Variants in IL18R1 observed in about 807,000 individuals in gnomAD.
IL18R1 encodes interleukin 18 receptor 1, also known as interleukin-18 receptor 1.
A neutral mutation model predicts 48.5 loss-of-function variants in IL18R1; 40 were observed. That is an observed-to-expected ratio of 0.82 (90% CI 0.64 to 1.07). The LOEUF is 1.07. Ranked by LOEUF, IL18R1 falls within the 50% of genes least tolerant of loss-of-function variation. IL18R1 has a pLI of 0.00. For missense variants in IL18R1, 596 were observed against 633.7 expected (o/e 0.94, Z 0.64); for synonymous variants, 232 against 225.9 (o/e 1.03, Z -0.24).
At chr2:102,357,740 G>T (rs964184031) in intron 1 of IL18R1, among the ~76,000 whole-genome samples, 1 of 152,112 alleles carries the variant, frequency 6.6e-6, no homozygotes, top group African/African-American at 2.4e-5. Context: ...AGGTAGCACA[G>T]GCATAGGCAG....
chr2:102,360,160 T>C (rs1292816600), intron 1 of IL18R1, among the ~76,000 whole-genome samples: 1 of 152,240 alleles, frequency 6.6e-6, no homozygotes, highest in African/African-American at 2.4e-5. Context: ...CCACATGAAG[T>C]AATATTAGGT....
chr2:102,373,106 G>GT (rs1378832705), intron 4 of IL18R1, among the ~76,000 whole-genome samples: 1 of 152,040 alleles, frequency 6.6e-6, no homozygotes. Flanking sequence ...ACTCCTAGTG[G>GT]TTTTTTCACT....
intron 1 of IL18R1, among the ~76,000 whole-genome samples, chr2:102,357,427 G>A (rs1163103910): frequency 6.6e-6 from 1 of 151,456 alleles, no homozygotes; most frequent in Non-Finnish European, 1.5e-5. Flanking sequence ...GGAGGCAGAG[G>A]TTGCAGTGAG....
intron 4 of IL18R1, among the ~76,000 whole-genome samples, chr2:102,372,653 T>G (rs1170252959): frequency 6.6e-6 from 1 of 152,176 alleles, no homozygotes; most frequent in Non-Finnish European, 1.5e-5. Context: ...TTTATTTTTT[T>G]ATGTTTTTTC....
intron 3 of IL18R1, among the ~76,000 whole-genome samples, chr2:102,368,322 G>C (rs527564831): frequency 6.6e-6 from 1 of 152,334 alleles, no homozygotes; most frequent in South Asian, 2.1e-4. Context: ...CCAATGACAA[G>C]TGACGATTGC....
rs11465655 is a variant in IL18R1, at chr2:102,396,467, A to G, written c.1271-64A>G. ...ATATAAAATAAGACTGTGCAAAATG[A>G]CTTTTATCTCATGTTCCCCCTTTCA... On this transcript the variant is annotated intron_variant, in intron 10 of 10. Coordinates refer to ENST00000233957, the MANE Select transcript of IL18R1 (RefSeq NM_003855.5). 8.6e-3 allele frequency: 8,049 copies of G among 933,392 alleles called. 424 individuals carry two copies. The African/African-American group carries it at 0.12, about 14-fold the overall frequency. The allele number at this position is 933,392 out of a possible 1,614,324, so 57.8% of individuals were successfully genotyped here. A position where few individuals can be genotyped will look rare whatever the true frequency, so the allele number is the denominator to read the frequency against.
At chr2:102,362,490 A>G (rs1223681395) in intron 1 of IL18R1, 143 bp from the exon 2 acceptor site, 1 of 421,368 alleles carries the variant, frequency 2.4e-6, no homozygotes, top group Non-Finnish European at 4.2e-6. Flanking sequence ...AGTTCTGAGA[A>G]TTGGTTACTA....
chr2:102,382,693 GCTTC>G (rs1295682921), intron 6 of IL18R1, among the ~76,000 whole-genome samples: 1 of 152,166 alleles, frequency 6.6e-6, no homozygotes, highest in Non-Finnish European at 1.5e-5. Flanking sequence ...TGGGGACTTT[GCTTC>G]CAAAGTCCCC....
At chr2:102,364,944 C>T (rs1287173109) in intron 2 of IL18R1, among the ~76,000 whole-genome samples, 1 of 152,120 alleles carries the variant, frequency 6.6e-6, no homozygotes, top group Non-Finnish European at 1.5e-5. Flanking sequence ...TAATCACCCC[C>T]ATGATTAAAT....
Position 102,396,917 on chromosome 2 carries a change from T to C in IL18R1, c.*31T>C. On this transcript the variant is annotated 3_prime_UTR_variant, in exon 11 of 11. Transcript: ENST00000233957. ...AGAAACAGTGAACGCCAAAAAGAAC[T>C]CAAGATATTCTGGGGACTGAGCATA... 7.4e-7 allele frequency: 1 copy of C among 1,358,678 alleles called. No individual in the cohort carries two copies. The highest frequency in any genetic ancestry group is 1.0e-6 in the Non-Finnish European group (1 of 982,876). 84.2% of individuals were successfully genotyped at this position (1,358,678 alleles called of 1,614,324 possible).
At chr2:102,388,498 T>C (rs3771159) in intron 8 of IL18R1, among the ~76,000 whole-genome samples, 81,306 of 151,990 alleles carry the variant, frequency 0.53, 23,602 homozygotes, top group African/African-American at 0.73. Context: ...TGTGAGGGAG[T>C]GGGGCTCAAA....
In IL18R1 at chr2:102,362,641, T is replaced by G. The variant is rs1466245050; in HGVS notation, c.-20T>G. The G allele has an allele frequency of 6.3e-7, 1 of 1,597,198 alleles. No homozygotes were observed. On this transcript the variant is annotated 5_prime_UTR_variant, in exon 2 of 11. Transcript: ENST00000233957. The stretch of plus-strand genomic sequence containing the variant: ...TTTATTCTGTTTTCCAGAGAAGCCA[T>G]TTGAAGCAGAATCCAAACCATGAAT...
chr2:102,360,493 G>C (rs891714855), intron 1 of IL18R1, among the ~76,000 whole-genome samples: 2 of 152,108 alleles, frequency 1.3e-5, no homozygotes, highest in Non-Finnish European at 2.9e-5. Context: ...TCAGTCTCCT[G>C]ACCTCATGAT....
intron 1 of IL18R1, among the ~76,000 whole-genome samples, chr2:102,359,111 C>T (rs1678428419): frequency 6.6e-6 from 1 of 151,906 alleles, no homozygotes; most frequent in Admixed American, 6.6e-5. Context: ...TCAGGGAGGA[C>T]CTGTACATTA....
intron 9 of IL18R1, among the ~76,000 whole-genome samples, chr2:102,393,075 A>C (rs1237985909): frequency 2.0e-5 from 3 of 152,180 alleles, no homozygotes; most frequent in Admixed American, 1.3e-4. Context: ...ATTTGATGAA[A>C]TCGTCTTCCC....
intron 2 of IL18R1, 159 bp downstream of exon 2, chr2:102,362,877 C>A: frequency 2.4e-6 from 1 of 422,078 alleles, no homozygotes; most frequent in Non-Finnish European, 4.2e-6. Context: ...GAGTGAAAAA[C>A]TTGCATCTTG....
chr2:102,358,611 A>C (rs1678394314), intron 1 of IL18R1, among the ~76,000 whole-genome samples: 2 of 152,206 alleles, frequency 1.3e-5, no homozygotes, highest in Admixed American at 1.3e-4. Flanking sequence ...TAAGTGCCCT[A>C]CGTCGGCGGC....
At chr2:102,394,224 A>G (rs906307368) in intron 9 of IL18R1, among the ~76,000 whole-genome samples, 6 of 152,148 alleles carry the variant, frequency 3.9e-5, no homozygotes, top group Non-Finnish European at 7.3e-5. Context: ...TAGTGCCCAG[A>G]TCTATGGCTC....
intron 3 of IL18R1, among the ~76,000 whole-genome samples, chr2:102,369,167 A>G (rs1046268863): frequency 8.2e-6 from 1 of 122,318 alleles, no homozygotes; most frequent in Admixed American, 7.9e-5. Context: ...GGGGTAAAGG[A>G]AAAAGAACAA....
Sources: gnomAD v4.1 joint callset for allele counts (sites outside exome capture counted in the v4.1 genomes callset) on GRCh38, gnomAD v4.1.1 for gene constraint, MANE v1.5 for transcripts, NCBI Gene and HGNC (gene_info 2026-07-23, HGNC 2026-07-21) for gene names.